CDH13: variants seen among roughly 807,000 people sequenced by gnomAD.
CDH13 encodes cadherin-13.
In CDH13, 24 loss-of-function variants were observed where a neutral mutation model predicts 63.8. That is an observed-to-expected ratio of 0.38 (90% confidence interval 0.27 to 0.53). The LOEUF (loss-of-function observed/expected upper bound fraction) is 0.53. CDH13 is among the 20% of genes least tolerant of loss of function. CDH13 has a pLI of 0.85. For synonymous variants in CDH13, 503 were observed against 355.3 expected, an observed-to-expected ratio of 1.42 and a Z score of -4.67; for missense variants, 1,049 against 903.1, an observed-to-expected ratio of 1.16 and a Z score of -2.07.
At chr16:83,116,716 A>G (rs567362835) in intron 3 of CDH13, among the ~76,000 whole-genome samples, 17 of 152,340 alleles carry the variant, frequency 1.1e-4, no homozygotes, top group African/African-American at 4.1e-4. Flanking sequence ...ACAACTCTGT[A>G]AATTTCCTAA....
intron 6 of CDH13, among the ~76,000 whole-genome samples, chr16:83,350,572 C>A (rs1263311389): frequency 6.6e-6 from 1 of 151,976 alleles, no homozygotes; most frequent in Admixed American, 6.6e-5. Context: ...TTTTTCCATC[C>A]AGTATGCTTA....
At chr16:82,719,606 C>T (rs1360026938) in intron 1 of CDH13, 2 of 351,456 alleles carry the variant, frequency 5.7e-6, no homozygotes, top group Non-Finnish European at 1.1e-5. Flanking sequence ...AGCACTTTGA[C>T]AAGCCAAGGT....
chr16:82,794,868 C>G (rs944702579), intron 1 of CDH13, among the ~76,000 whole-genome samples: 4 of 152,156 alleles, frequency 2.6e-5, no homozygotes, highest in Non-Finnish European at 4.4e-5. Flanking sequence ...ATATAAACCC[C>G]TTTTACCTCC....
intron 7 of CDH13, among the ~76,000 whole-genome samples, chr16:83,521,481 G>T (rs187542055): frequency 6.6e-6 from 1 of 152,100 alleles, no homozygotes; most frequent in Non-Finnish European, 1.5e-5. Flanking sequence ...ACACCAATAC[G>T]GTGTCAACAA....
intron 5 of CDH13, among the ~76,000 whole-genome samples, chr16:83,315,225 G>A (rs1291613399): frequency 1.8e-4 from 28 of 152,152 alleles, no homozygotes; most frequent in Admixed American, 1.5e-3. Flanking sequence ...AGTAAACTCC[G>A]CTGAATCCGA....
At chr16:83,393,972 T>C (rs2091837152) in intron 6 of CDH13, among the ~76,000 whole-genome samples, 1 of 152,156 alleles carries the variant, frequency 6.6e-6, no homozygotes, top group South Asian at 2.1e-4. Flanking sequence ...TGGAGGTCAT[T>C]ATCCTTAGCA....
intron 8 of CDH13, among the ~76,000 whole-genome samples, chr16:83,625,346 G>C (rs1016431955): frequency 1.7e-4 from 26 of 152,242 alleles, no homozygotes; most frequent in African/African-American, 6.3e-4. Flanking sequence ...GTGTTCCAAA[G>C]CTCCGCATGT....
chr16:83,276,808 C>T (rs1319209916), intron 5 of CDH13, among the ~76,000 whole-genome samples: 3 of 152,038 alleles, frequency 2.0e-5, no homozygotes, highest in Non-Finnish European at 2.9e-5. Flanking sequence ...GAGGTGGAGC[C>T]TACAGGAGCC....
chr16:83,741,172 A>G (rs1294772113), intron 10 of CDH13, among the ~76,000 whole-genome samples: 1 of 152,178 alleles, frequency 6.6e-6, no homozygotes, highest in Admixed American at 6.5e-5. Flanking sequence ...TTTTGTCAGA[A>G]GATTTGAAAT....
chr16:83,008,821 C>T (rs879285672), intron 2 of CDH13, among the ~76,000 whole-genome samples: 1 of 152,102 alleles, frequency 6.6e-6, no homozygotes, highest in South Asian at 2.1e-4. Context: ...AAAGACATGC[C>T]CAAGACTGAG....
chr16:83,349,111 T>C (rs569819198), intron 6 of CDH13, among the ~76,000 whole-genome samples: 1 of 152,336 alleles, frequency 6.6e-6, no homozygotes, highest in South Asian at 2.1e-4. Context: ...ATTGTTTTGG[T>C]GAATCATTCC....
At chr16:83,026,707 C>T (rs1035517159) in intron 2 of CDH13, among the ~76,000 whole-genome samples, 1 of 152,146 alleles carries the variant, frequency 6.6e-6, no homozygotes, top group African/African-American at 2.4e-5. Flanking sequence ...GAGGTATGGA[C>T]TTGTACAGTC....
chr16:82,842,096 A>ATATATATATATATG (rs2039034406), intron 1 of CDH13, among the ~76,000 whole-genome samples: 3 of 39,032 alleles, frequency 7.7e-5, no homozygotes, highest in African/African-American at 2.9e-4. Flanking sequence ...TTCTACATAT[A>ATATATATATATATG]TATATATATA....
chr16:82,938,422 C>A (rs1442683225), intron 2 of CDH13, among the ~76,000 whole-genome samples: 1 of 152,166 alleles, frequency 6.6e-6, no homozygotes, highest in Admixed American at 6.5e-5. Context: ...ATGGTCTCTG[C>A]CAGCCTTAGA....
chr16:83,295,161 A>G (rs2089561624), intron 5 of CDH13, among the ~76,000 whole-genome samples: 1 of 152,156 alleles, frequency 6.6e-6, no homozygotes, highest in Admixed American at 6.5e-5. Context: ...GGCATTTGGG[A>G]AACCGCATAT....
chr16:82,738,519 T>G (rs1444265020), intron 1 of CDH13, among the ~76,000 whole-genome samples: 1 of 152,202 alleles, frequency 6.6e-6, no homozygotes, highest in Non-Finnish European at 1.5e-5. Flanking sequence ...CAAGCTAGTT[T>G]CCAAATTCCT....
intron 8 of CDH13, among the ~76,000 whole-genome samples, chr16:83,619,866 C>T (rs1017324181): frequency 6.6e-6 from 1 of 152,146 alleles, no homozygotes; most frequent in Non-Finnish European, 1.5e-5. Flanking sequence ...CAAAGTCTAG[C>T]AGTGACACAG....
intron 3 of CDH13, among the ~76,000 whole-genome samples, chr16:83,074,792 T>G (rs1180730558): frequency 6.6e-6 from 1 of 152,214 alleles, no homozygotes; most frequent in Non-Finnish European, 1.5e-5. Flanking sequence ...AGCCAAAGCT[T>G]AAGTGAGTTC....
rs1908615079 is a variant in CDH13, at chr16:82,970,720, G to C, written c.158-61290G>C. Among the ~76,000 whole-genome samples the C allele has an allele frequency of 2.6e-5, 4 of 152,054 alleles. No homozygotes were observed. In the South Asian group the frequency reaches 8.3e-4, roughly 32 times the overall value. ...ACCTTACCTGTTTGAGTGTAAGGCAGAGCTCCTTGATCTGCATAATAGATT... is the reference window on the plus strand; with the variant it reads ...ACCTTACCTGTTTGAGTGTAAGGCACAGCTCCTTGATCTGCATAATAGATT... On this transcript the variant is annotated intron_variant, in intron 2 of 13. Transcript: ENST00000567109.
Sources: allele counts gnomAD v4.1 joint callset (sites outside exome capture counted in the v4.1 genomes callset), GRCh38; gene constraint gnomAD v4.1.1; transcripts MANE v1.5; gene names NCBI Gene and HGNC (gene_info 2026-07-23, HGNC 2026-07-21).